Variants in MTG2 observed in about 807,000 individuals in gnomAD.
The protein encoded by MTG2 is mitochondrial ribosome-associated GTPase 2.
A neutral mutation model predicts 28.6 loss-of-function variants in MTG2; 23 were observed. That is an observed-to-expected ratio of 0.80 (90% CI 0.58 to 1.14). The LOEUF (loss-of-function observed/expected upper bound fraction) is 1.14, where lower values mean the gene tolerates loss of function less well. Among genes scored for constraint, MTG2 ranks in the 50% most tolerant of loss-of-function variants. The probability of loss-of-function intolerance (pLI) is 0.00; values close to 1 mark genes in which losing one functional copy is unlikely to be tolerated. For synonymous variants in MTG2, 260 were observed against 251.8 expected, an observed-to-expected ratio of 1.03 and a Z score of -0.31; for missense variants, 539 against 552.0, an observed-to-expected ratio of 0.98 and a Z score of 0.24.
intron 1 of MTG2, among the ~76,000 whole-genome samples, chr20:62,183,424 C>T (rs557132822): frequency 6.6e-6 from 1 of 152,334 alleles, no homozygotes; most frequent in African/African-American, 2.4e-5. Flanking sequence ...TTGCCTTGAT[C>T]CAGCGCTCTA....
intron 1 of MTG2, among the ~76,000 whole-genome samples, chr20:62,186,534 T>TGG (rs1214672723): frequency 6.9e-6 from 1 of 145,856 alleles, no homozygotes; most frequent in African/African-American, 2.5e-5. Context: ...TTTTGTTTTT[T>TGG]TTTTTTTTTT....
chr20:62,193,231 G>A (rs1407927664), intron 1 of MTG2, among the ~76,000 whole-genome samples, 185 bp from the exon 2 acceptor site: 2 of 151,776 alleles, frequency 1.3e-5, no homozygotes, highest in African/African-American at 4.9e-5. Context: ...TAGGCTGACG[G>A]GTCAGAGGGC....
At position 62,199,168 on chromosome 20, in the gene MTG2, A is replaced by T; in HGVS notation, c.737A>T (p.Asn246Ile). 1 of 1,613,968 alleles carries T rather than the reference A, an allele frequency of 6.2e-7. No homozygotes were observed. Residue 246 changes from asparagine to isoleucine, a missense_variant, in exon 6 of 7, where the codon AAC becomes ATC. Asn to Ile is a moderately radical substitution (Grantham distance 149). Transcript: ENST00000370823. Reference sequence around the variant, plus strand: ...TCCTCACTGCTCCGGGCCATTTCAAACGCCAGACCCGCCGTGGCTTCCTAC... The same window carrying T: ...TCCTCACTGCTCCGGGCCATTTCAATCGCCAGACCCGCCGTGGCTTCCTAC... ...GKSSLLRAIS[N>I]ARPAVASYPF...
chr20:62,190,303 T>C (rs1439546001), intron 1 of MTG2, among the ~76,000 whole-genome samples: 1 of 152,234 alleles, frequency 6.6e-6, no homozygotes, highest in Non-Finnish European at 1.5e-5. Flanking sequence ...GGATTACTTC[T>C]GTGCGCGTTG....
In MTG2 at chr20:62,195,922, G is replaced by A. The variant is rs1384993209; in HGVS notation, c.325G>A (p.Gly109Ser). 3 of 1,614,220 alleles carry A rather than the reference G, an allele frequency of 1.9e-6. No individual in the cohort carries two copies. Among genetic ancestry groups the A allele is most frequent in the South Asian group, 2.2e-5 (2 of 91,090 alleles). Residue 109 changes from glycine to serine, a missense_variant, in exon 3 of 7, where the codon GGC becomes AGC. By Grantham distance (56) the Gly-to-Ser change is moderately conservative. Coordinates refer to ENST00000370823, the MANE Select transcript of MTG2 (RefSeq NM_015666.4). ...EFGGPDGGDG[G>S]NGGHVILRVD... ...TGGAGGCCCTGATGGAGGGGACGGA[G>A]GCAACGGTGGACACGTCATTCTGAG...
chr20:62,195,868 T>A lies in MTG2; in HGVS notation c.271T>A (p.Cys91Ser). 6.2e-7 allele frequency: 1 copy of A among 1,614,198 alleles called. No individual in the cohort carries two copies. The highest frequency in any genetic ancestry group is 8.5e-7 in the Non-Finnish European group (1 of 1,180,046). The stretch of plus-strand genomic sequence containing the variant: ...AGGAAACGGAGGCGCTGGGGCAAGC[T>A]GCTTCCACAGTGAGCCCCGCAAGGA... Reference protein sequence around the residue: ...CGGNGGAGASCFHSEPRKEFG... With the variant: ...CGGNGGAGASSFHSEPRKEFG... Residue 91 changes from cysteine to serine, a missense_variant, in exon 3 of 7, where the codon TGC becomes AGC. Transcript: ENST00000370823.
At chr20:62,185,941 G>T (rs1450887850) in intron 1 of MTG2, among the ~76,000 whole-genome samples, 1 of 152,132 alleles carries the variant, frequency 6.6e-6, no homozygotes, top group East Asian at 1.9e-4. Flanking sequence ...AAATTGAAAG[G>T]GCAAAAAGGA....
At chr20:62,185,445 A>G (rs867192705) in intron 1 of MTG2, among the ~76,000 whole-genome samples, 10 of 151,780 alleles carry the variant, frequency 6.6e-5, no homozygotes, top group Middle Eastern at 3.2e-3. Flanking sequence ...AAAATAAAAT[A>G]TATACACATA....
rs1320595001 is a variant in MTG2 at position 62,200,993 on chromosome 20, G to A, written c.1137G>A (p.Glu379=). Residue 379 remains glutamate (E), a synonymous_variant, in exon 7 of 7, where the codon GAG becomes GAA. Coordinates refer to ENST00000370823, the MANE Select transcript of MTG2 (RefSeq NM_015666.4). ...CGGCGTTGACCGGCGAGAACCTGGAGCAGCTGCTGTTGCACCTGAAGGTGC... is the reference window on the plus strand; with the variant it reads ...CGGCGTTGACCGGCGAGAACCTGGAACAGCTGCTGTTGCACCTGAAGGTGC... ...VLSALTGENL[E]QLLLHLKVLY... 7.4e-6 allele frequency: 12 copies of A among 1,613,752 alleles called. No individual in the cohort carries two copies. The highest frequency in any genetic ancestry group is 1.0e-5 in the Non-Finnish European group (12 of 1,180,008).
Position 62,193,519 on chromosome 20 carries a change from G to T in MTG2, c.99G>T (p.Arg33=). 6.2e-7 allele frequency: 1 copy of T among 1,614,166 alleles called. No individual in the cohort carries two copies. The highest frequency in any genetic ancestry group is 8.5e-7 in the Non-Finnish European group (1 of 1,180,036). The change falls in exon 2 of 7, where the codon CGG becomes CGT. Residue 33 remains arginine (R), a synonymous_variant. Coordinates refer to ENST00000370823, the MANE Select transcript of MTG2 (RefSeq NM_015666.4). ...LSTWAGLKPS[R]LLPQRASPRL... ...CATGGGCTGGCCTGAAGCCCAGCCG[G>T]CTACTGCCACAGCGGGCTTCTCCCA...
rs568411032 is a variant in MTG2 at position 62,193,512 on chromosome 20, C to T, written c.92C>T (p.Pro31Leu). Residue 31 changes from proline (P) to leucine (L), a missense_variant, in exon 2 of 7, where the codon CCC (proline) becomes CTC (leucine). Transcript: ENST00000370823. ...WALSTWAGLKPSRLLPQRASP... is the reference protein window; with the variant it reads ...WALSTWAGLKLSRLLPQRASP... ...TTGTCCACATGGGCTGGCCTGAAGC[C>T]CAGCCGGCTACTGCCACAGCGGGCT... 2 of 1,614,126 alleles carry T rather than the reference C, an allele frequency of 1.2e-6. No homozygotes were observed. The highest frequency in any genetic ancestry group is 2.7e-5 in the African/African-American group (2 of 75,034).
chr20:62,200,370 C>T (rs2058143503), intron 6 of MTG2: 1 of 289,758 alleles, frequency 3.5e-6, no homozygotes, highest in Non-Finnish European at 6.4e-6. Flanking sequence ...CCATTTTCCT[C>T]TTTTTTGAAT....
rs1601105471 is a variant in MTG2, at chr20:62,200,716, A to G, written c.860A>G (p.His287Arg). 2 of 1,612,630 alleles carry G rather than the reference A, an allele frequency of 1.2e-6. No individual in the cohort carries two copies. The highest frequency in any genetic ancestry group is 2.7e-5 in the African/African-American group (2 of 75,008). The change falls in exon 7 of 7, where the codon CAC (histidine) becomes CGC (arginine). Residue 287 changes from histidine (H) to arginine (R), a missense_variant. Physicochemically the swap from His to Arg is conservative, Grantham distance 29 (BLOSUM62 0). Transcript: ENST00000370823. ...ADIPGIIRGAHQNRGLGSAFL... is the reference protein window; with the variant it reads ...ADIPGIIRGARQNRGLGSAFL... ...ATCCCCGGCATCATACGAGGCGCCC[A>G]CCAGAACAGGGGTCTGGGGTCCGCC... is the stretch of plus-strand genomic sequence containing the variant.
chr20:62,187,545 T>C (rs1482241455), intron 1 of MTG2, among the ~76,000 whole-genome samples: 1 of 152,224 alleles, frequency 6.6e-6, no homozygotes, highest in Non-Finnish European at 1.5e-5. Flanking sequence ...TTGTTTATTC[T>C]TGTGTTTCTT....
At position 62,201,931 on chromosome 20, in the gene MTG2, G is replaced by C. The variant is rs1398780547; in HGVS notation, c.*854G>C. ...GCATGGGCAGGGTATAGTGAGGAGTGGAAGGAGACGTGTGCCTGGTAATAT... is the reference window on the plus strand; with the variant it reads ...GCATGGGCAGGGTATAGTGAGGAGTCGAAGGAGACGTGTGCCTGGTAATAT... On this transcript the variant is annotated 3_prime_UTR_variant, in exon 7 of 7. Coordinates refer to ENST00000370823, the MANE Select transcript of MTG2 (RefSeq NM_015666.4). 6.6e-6 allele frequency: 1 copy of C among 152,322 alleles called. No homozygotes were observed. The highest frequency in any genetic ancestry group is 1.5e-5 in the Non-Finnish European group (1 of 68,108). 9.4% of individuals were successfully genotyped at this position (152,322 alleles called of 1,614,324 possible).
In MTG2 at chr20:62,202,603, A is replaced by C. The variant is rs2058190814; in HGVS notation, c.*1526A>C. ...CCGTCTCTACTAAAAATACAAAAAA[A>C]TTAGCCAGGCGTGGTGGCGGTCACC... On this transcript the variant is annotated 3_prime_UTR_variant, in exon 7 of 7. Coordinates refer to ENST00000370823, the MANE Select transcript of MTG2 (RefSeq NM_015666.4). The C allele has an allele frequency of 6.6e-6, 1 of 152,174 alleles. No individual in the cohort carries two copies. Among genetic ancestry groups the C allele is most frequent in the Non-Finnish European group, 1.5e-5 (1 of 68,182 alleles). 9.4% of individuals were successfully genotyped at this position (152,174 alleles called of 1,614,324 possible).
At chr20:62,194,132 A>G (rs2058014867) in intron 2 of MTG2, 1 of 152,012 alleles carries the variant, frequency 6.6e-6, no homozygotes, top group Non-Finnish European at 1.5e-5. Context: ...TAAAACAAGT[A>G]GGGGGGAATA....
chr20:62,184,173 A>G (rs924833317), intron 1 of MTG2, among the ~76,000 whole-genome samples: 2 of 152,216 alleles, frequency 1.3e-5, no homozygotes, highest in Non-Finnish European at 2.9e-5. Flanking sequence ...CCTGGCCAAC[A>G]TGGTGAAACC....
At chr20:62,190,533 CATCTAGA>C (rs2057936553) in intron 1 of MTG2, among the ~76,000 whole-genome samples, 1 of 152,212 alleles carries the variant, frequency 6.6e-6, no homozygotes, top group Non-Finnish European at 1.5e-5. Context: ...CGTTTTCTGC[CATCTAGA>C]ATCTTTATTG....
Sources: allele counts gnomAD v4.1 joint callset (sites outside exome capture counted in the v4.1 genomes callset), GRCh38; gene constraint gnomAD v4.1.1; transcripts MANE v1.5; gene names NCBI Gene and HGNC (gene_info 2026-07-23, HGNC 2026-07-21).